KDSR: variants seen among roughly 807,000 people sequenced by gnomAD.
The protein encoded by KDSR is 3-ketodihydrosphingosine reductase.
KDSR carries 23 observed loss-of-function variants against 41.3 expected under a neutral mutation model. The ratio of observed to expected loss-of-function variants is 0.56; its 90% CI spans 0.40 to 0.79. The LOEUF (loss-of-function observed/expected upper bound fraction) is 0.79. KDSR is among the 30% of genes least tolerant of loss of function. KDSR has a pLI of 0.00. For synonymous variants in KDSR, 138 were observed against 151.7 expected (o/e 0.91, Z 0.66); for missense variants, 351 against 416.8 (o/e 0.84, Z 1.37).
intron 7 of KDSR, 53 bp from the exon 8 acceptor site, chr18:63,338,936 A>G (rs1914264877): frequency 9.7e-7 from 1 of 1,026,106 alleles, no homozygotes; most frequent in Admixed American, 2.5e-5. Flanking sequence ...CATTACATTA[A>G]AAATAAATTA....
chr18:63,355,391 A>G, intron 4 of KDSR, 92 bp from the exon 5 acceptor site: 1 of 1,605,808 alleles, frequency 6.2e-7, no homozygotes, highest in Non-Finnish European at 8.5e-7. Flanking sequence ...TTACAAAACT[A>G]TTAAACCTAT....
chr18:63,349,815 A>G (rs1410414741), intron 6 of KDSR, among the ~76,000 whole-genome samples: 1 of 152,282 alleles, frequency 6.6e-6, no homozygotes, highest in Non-Finnish European at 1.5e-5. Flanking sequence ...TTATTGGAAC[A>G]CAGTGACAAT....
rs77561251 is a variant in KDSR, at chr18:63,359,888, T to C, written c.199-96A>G. ...AAAAAAGCAATTATTTCTATATGTATGTATTAAATTCCAGAAAACACACAA... is the reference window on the plus strand; with the variant it reads ...AAAAAAGCAATTATTTCTATATGTACGTATTAAATTCCAGAAAACACACAA... On this transcript the variant is annotated intron_variant, in intron 2 of 9. Coordinates refer to ENST00000645214, the MANE Select transcript of KDSR (RefSeq NM_002035.4). 2,753 of 824,778 alleles carry C rather than the reference T, an allele frequency of 3.3e-3. 40 individuals are homozygous for C. In the African/African-American group the frequency reaches 0.042, roughly 13 times the overall value. The allele number at this position is 824,778 out of a possible 1,614,324, so 51.1% of individuals were successfully genotyped here.
At chr18:63,366,790 G>A (rs1915151319) in intron 1 of KDSR, 2 of 385,176 alleles carry the variant, frequency 5.2e-6, no homozygotes, top group Non-Finnish European at 4.6e-6. Flanking sequence ...ACGCTCTCCG[G>A]CCCTAGGAGG....
chr18:63,361,467 G>A (rs1164306140), intron 2 of KDSR, among the ~76,000 whole-genome samples: 1 of 152,014 alleles, frequency 6.6e-6, no homozygotes, highest in Non-Finnish European at 1.5e-5. Context: ...TGTTAGAAAA[G>A]TCAAGCTATA....
chr18:63,359,052 G>A (rs1396668449), intron 3 of KDSR, among the ~76,000 whole-genome samples: 2 of 149,536 alleles, frequency 1.3e-5, no homozygotes, highest in Admixed American at 6.7e-5. Context: ...GATGGCACGT[G>A]TCTATAATCT....
intron 1 of KDSR, among the ~76,000 whole-genome samples, chr18:63,365,293 T>C (rs1345009420): frequency 1.3e-5 from 2 of 152,250 alleles, no homozygotes; most frequent in African/African-American, 4.8e-5. Flanking sequence ...AATGAAACAA[T>C]TGTTATAAGT....
At chr18:63,354,333 G>C (rs1402712161) in intron 5 of KDSR, among the ~76,000 whole-genome samples, 1 of 151,998 alleles carries the variant, frequency 6.6e-6, no homozygotes, top group Non-Finnish European at 1.5e-5. Flanking sequence ...GGAAGAAAAA[G>C]ATTGTTGATG....
At position 63,350,946 on chromosome 18, in the gene KDSR, G is replaced by A; in HGVS notation, c.551C>T (p.Thr184Ile). Residue 184 changes from threonine to isoleucine, a missense_variant, in exon 6 of 10, where the codon ACA becomes ATA. Transcript: ENST00000645214. ...GGCAAACTTGGATGCAGAGTAGGCT[G>A]TGAAACCGAATAATCCCAACTGTCC... ...QAGQLGLFGF[T>I]AYSASKFAIR... The A allele has an allele frequency of 2.5e-6, 4 of 1,614,170 alleles. No individual in the cohort carries two copies. Among genetic ancestry groups the A allele is most frequent in the Non-Finnish European group, 3.4e-6 (4 of 1,179,994 alleles).
intron 1 of KDSR, among the ~76,000 whole-genome samples, chr18:63,363,490 C>T (rs887673488): frequency 7.0e-6 from 1 of 143,142 alleles, no homozygotes; most frequent in East Asian, 2.0e-4. Context: ...TTTGTTCTTG[C>T]GATAGTTTAC....
In KDSR at chr18:63,362,808, C is replaced by T; in HGVS notation, c.169G>A (p.Ala57Thr). 1 of 1,613,508 alleles carries T rather than the reference C, an allele frequency of 6.2e-7. No individual in the cohort carries two copies. Residue 57 changes from alanine to threonine, a missense_variant, in exon 2 of 10, where the codon GCT becomes ACT. Physicochemically the swap from Ala to Thr is moderately conservative, Grantham distance 58. Coordinates refer to ENST00000645214, the MANE Select transcript of KDSR (RefSeq NM_002035.4). Reference protein sequence around the residue: ...CIAIECYKQGAFITLVARNED... With the variant: ...CIAIECYKQGTFITLVARNED... ...TTTCGTGCAACCAGAGTTATAAAAGCTCCTTGTTTATAGCACTCGATAGCA... is the reference window on the plus strand; with the variant it reads ...TTTCGTGCAACCAGAGTTATAAAAGTTCCTTGTTTATAGCACTCGATAGCA...
chr18:63,340,200 C>A (rs554272706), intron 7 of KDSR, among the ~76,000 whole-genome samples: 26 of 152,334 alleles, frequency 1.7e-4, no homozygotes, highest in Non-Finnish European at 2.2e-4. Context: ...AGGGAAATCA[C>A]CACCCTTTGT....
At chr18:63,357,541 TAC>T (rs1568282523) in intron 3 of KDSR, among the ~76,000 whole-genome samples, 3 of 145,092 alleles carry the variant, frequency 2.1e-5, no homozygotes, top group Non-Finnish European at 3.0e-5. Flanking sequence ...TATATATATA[TAC>T]ACATATATAT....
At chr18:63,344,596 A>C (rs1473434233) in intron 6 of KDSR, 103 bp from the exon 7 acceptor site, 1 of 731,542 alleles carries the variant, frequency 1.4e-6, no homozygotes, top group Non-Finnish European at 2.4e-6. Context: ...AGCGGTGAGA[A>C]CAATGGGGTG....
At position 63,329,051 on chromosome 18, in the gene KDSR, C is replaced by A. The variant is rs1913895209; in HGVS notation, c.*2731G>T. ...GTCATTAGTTTCCGTAACAATCACA[C>A]TCAGGGTTGGTTCTTTTTTTCTTCC... On this transcript the variant is annotated 3_prime_UTR_variant, in exon 10 of 10. Transcript: ENST00000645214. The A allele has an allele frequency of 5.1e-6, 1 of 197,810 alleles. No homozygotes were observed. The highest frequency in any genetic ancestry group is 1.0e-5 in the Non-Finnish European group (1 of 95,676). The allele number at this position is 197,810 out of a possible 1,614,324, so 12.3% of individuals were successfully genotyped here. A position where few individuals can be genotyped will look rare whatever the true frequency, so the allele number is the denominator to read the frequency against.
intron 7 of KDSR, among the ~76,000 whole-genome samples, chr18:63,341,769 T>C (rs1392390686): frequency 6.6e-6 from 1 of 152,122 alleles, no homozygotes; most frequent in Non-Finnish European, 1.5e-5. Flanking sequence ...GGAATCAAAA[T>C]AGCACTGGAT....
At chr18:63,332,831 C>CAAAAAAA (rs1159424416) in intron 9 of KDSR, among the ~76,000 whole-genome samples, 3 of 75,026 alleles carry the variant, frequency 4.0e-5, no homozygotes, top group African/African-American at 5.7e-5. Context: ...GACTCCGTCT[C>CAAAAAAA]AAAAAAAAAA....
chr18:63,340,289 G>T (rs1914308217), intron 7 of KDSR, among the ~76,000 whole-genome samples: 1 of 152,200 alleles, frequency 6.6e-6, no homozygotes, highest in African/African-American at 2.4e-5. Context: ...TTCTAAGACA[G>T]GACATTTGGC....
intron 5 of KDSR, 67 bp downstream of exon 5, chr18:63,355,137 C>G (rs1359369376): frequency 3.0e-5 from 32 of 1,058,616 alleles, no homozygotes; most frequent in Non-Finnish European, 4.5e-5. Context: ...ATTCTTAAAG[C>G]TTTTACCCGT....
Sources: allele counts gnomAD v4.1 joint callset (sites outside exome capture counted in the v4.1 genomes callset), GRCh38; gene constraint gnomAD v4.1.1; transcripts MANE v1.5; gene names NCBI Gene and HGNC (gene_info 2026-07-23, HGNC 2026-07-21).